SLA: variants seen among roughly 807,000 people sequenced by gnomAD.
SLA encodes Src like adaptor.
In SLA, 16 loss-of-function variants were observed where a neutral mutation model predicts 30.3. That is an observed-to-expected ratio of 0.53 (90% CI 0.36 to 0.80). SLA has a LOEUF of 0.80. SLA is among the 30% of genes least tolerant of loss of function. SLA has a pLI of 0.01. For synonymous variants in SLA, 143 were observed against 137.8 expected (o/e 1.04, Z -0.26); for missense variants, 310 against 345.2 (o/e 0.90, Z 0.81).
At position 133,095,168 on chromosome 8, in the gene SLA, G is replaced by T. The variant is rs2272707; in HGVS notation, c.-319+7385C>A. On this transcript the variant is annotated intron_variant, in intron 1 of 8. Coordinates refer to ENST00000338087, the MANE Select transcript of SLA (RefSeq NM_001045556.3). Reference sequence around the variant, plus strand: ...AGCCAAGAAGTGGTGTCCTGCCTCCGCCAGAAGCCTGCCAATGTCCTCAAT... The same window carrying T: ...AGCCAAGAAGTGGTGTCCTGCCTCCTCCAGAAGCCTGCCAATGTCCTCAAT... 3.7e-6 allele frequency: 6 copies of T among 1,614,182 alleles called. No homozygotes were observed. In the Admixed American group the frequency reaches 5.0e-5, roughly 13 times the overall value.
intron 5 of SLA, chr8:133,048,588 A>G (rs1218696831): frequency 6.4e-6 from 1 of 156,518 alleles, no homozygotes; most frequent in Non-Finnish European, 1.4e-5. Flanking sequence ...TCATAGGGTC[A>G]TAATTATGTC....
rs1839643893 is a variant in SLA at position 133,047,477 on chromosome 8, G to C, written c.352+353C>G. ...TTCAGACAAATCAGTCACAGAGCTT[G>C]AGAGCACAGCCCAGGCCCATACCAA... is the stretch of plus-strand genomic sequence containing the variant. On this transcript the variant is annotated intron_variant, in intron 6 of 8. Transcript: ENST00000338087. 3 of 235,178 alleles carry C rather than the reference G, an allele frequency of 1.3e-5. No homozygotes were observed. The South Asian group carries it at 1.5e-4, about 11-fold the overall frequency. 14.6% of individuals were successfully genotyped at this position (235,178 alleles called of 1,614,324 possible).
chr8:133,042,429 G>C (rs1358755114), intron 7 of SLA, among the ~76,000 whole-genome samples: 1 of 151,740 alleles, frequency 6.6e-6, no homozygotes, highest in East Asian at 1.9e-4. Context: ...CATGCACTCT[G>C]TTCTCTCAGT....
intron 1 of SLA, among the ~76,000 whole-genome samples, chr8:133,084,836 G>C (rs750951722): frequency 3.9e-5 from 6 of 152,236 alleles, no homozygotes; most frequent in African/African-American, 1.4e-4. Flanking sequence ...ATGGACTGCC[G>C]TGCCTGTCAA....
At chr8:133,054,276 A>C (rs1587905666) in intron 3 of SLA, among the ~76,000 whole-genome samples, 1 of 152,306 alleles carries the variant, frequency 6.6e-6, no homozygotes, top group South Asian at 2.1e-4. Context: ...TTGCAGACTT[A>C]AGATAAGGAA....
chr8:133,053,659 G>GACTGTGGA (rs1429921492), intron 3 of SLA, among the ~76,000 whole-genome samples: 2 of 152,144 alleles, frequency 1.3e-5, no homozygotes, highest in Non-Finnish European at 2.9e-5. Flanking sequence ...TCAAGATTAA[G>GACTGTGGA]ACTGTGGAAC....
chr8:133,071,415 G>A (rs1844010653), intron 2 of SLA, among the ~76,000 whole-genome samples: 1 of 152,194 alleles, frequency 6.6e-6, no homozygotes, highest in African/African-American at 2.4e-5. Flanking sequence ...AAGGGATGGA[G>A]GGCAGCTTAA....
chr8:133,057,795 A>G (rs901688917), intron 3 of SLA, among the ~76,000 whole-genome samples: 20 of 152,036 alleles, frequency 1.3e-4, no homozygotes, highest in Admixed American at 6.6e-5. Flanking sequence ...AAACAAAAAA[A>G]CAGATGGGTA....
At position 133,036,873 on chromosome 8, in the gene SLA, A is replaced by G. The variant is rs1837204456; in HGVS notation, c.*1651T>C. ...TCGTCACAACGGAAAACAACACATA[A>G]GATACTGTGCAGACATCTGGAGTTC... On this transcript the variant is annotated 3_prime_UTR_variant, in exon 9 of 9. Transcript: ENST00000338087. 1 of 152,622 alleles carries G rather than the reference A, an allele frequency of 6.6e-6. No homozygotes were observed. The highest frequency in any genetic ancestry group is 2.4e-5 in the African/African-American group (1 of 41,446). 9.5% of individuals were successfully genotyped at this position (152,622 alleles called of 1,614,324 possible). A position where few individuals can be genotyped will look rare whatever the true frequency, so the allele number is the denominator to read the frequency against.
chr8:133,045,148 C>T (rs1839077887), intron 6 of SLA, 33 bp from the exon 7 acceptor site: 1 of 1,611,754 alleles, frequency 6.2e-7, no homozygotes, highest in Non-Finnish European at 8.5e-7. Flanking sequence ...CAGTGGGCTC[C>T]ACCTGTCCTC....
At chr8:133,068,147 G>A (rs1188765822) in intron 2 of SLA, among the ~76,000 whole-genome samples, 1 of 152,186 alleles carries the variant, frequency 6.6e-6, no homozygotes, top group African/African-American at 2.4e-5. Context: ...CAAGGGAAAG[G>A]CTCAGAGAGG....
intron 6 of SLA, among the ~76,000 whole-genome samples, chr8:133,046,318 T>G (rs1234094055): frequency 6.6e-6 from 1 of 152,232 alleles, no homozygotes; most frequent in Non-Finnish European, 1.5e-5. Flanking sequence ...CCCCCAATTA[T>G]TTTAAAGATG....
chr8:133,069,218 G>A (rs2131406541), intron 2 of SLA, among the ~76,000 whole-genome samples: 1 of 152,358 alleles, frequency 6.6e-6, no homozygotes, highest in Non-Finnish European at 1.5e-5. Flanking sequence ...TTTCTTTATT[G>A]CATCGTATTT....
chr8:133,064,506 G>C (rs1842802853), intron 2 of SLA, among the ~76,000 whole-genome samples: 1 of 152,182 alleles, frequency 6.6e-6, no homozygotes, highest in African/African-American at 2.4e-5. Context: ...CACTGTCCTG[G>C]AGCTGGAAAC....
At chr8:133,045,179 C>A (rs1039289156) in intron 6 of SLA, 64 bp from the exon 7 acceptor site, 1 of 1,582,654 alleles carries the variant, frequency 6.3e-7, no homozygotes, top group Non-Finnish European at 8.6e-7. Context: ...ACCCAGCTAA[C>A]CAGCCCACCA....
rs1460750975 is a variant in SLA, at chr8:133,055,363, GCGCACACACACA to G, written c.62-4460_62-4449del. Among the ~76,000 whole-genome samples the G allele has an allele frequency of 6.6e-4, 21 of 32,020 alleles. 1 individual carries two copies. The East Asian group carries it at 8.0e-3, about 12-fold the overall frequency. 21.0% of individuals were successfully genotyped at this position (32,020 alleles called of 152,430 possible). A position where few individuals can be genotyped will look rare whatever the true frequency, so the allele number is the denominator to read the frequency against. ...ATCTTCAGGACACACACACGCACGCGCGCACACACACACACACACACACACACACACACACAC... is the reference window on the plus strand; with the variant it reads ...ATCTTCAGGACACACACACGCACGCGCACACACACACACACACACACACAC... On this transcript the variant is annotated intron_variant, in intron 3 of 8. Transcript: ENST00000338087.
intron 3 of SLA, among the ~76,000 whole-genome samples, chr8:133,051,342 A>G (rs1185547436): frequency 6.6e-6 from 1 of 152,200 alleles, no homozygotes; most frequent in Non-Finnish European, 1.5e-5. Context: ...AAGTTGCTGT[A>G]AAAACCCCCC....
At chr8:133,069,884 C>T (rs967998181) in intron 2 of SLA, among the ~76,000 whole-genome samples, 3 of 151,358 alleles carry the variant, frequency 2.0e-5, no homozygotes, top group African/African-American at 7.3e-5. Flanking sequence ...TGCTGAAATC[C>T]CAGCTACTTG....
chr8:133,046,669 C>T (rs1452140054), intron 6 of SLA: 1 of 152,232 alleles, frequency 6.6e-6, no homozygotes, highest in Non-Finnish European at 1.5e-5. Context: ...GCCAGGCCAG[C>T]TTAGGAGTTT....
Sources: gnomAD v4.1 joint callset for allele counts (sites outside exome capture counted in the v4.1 genomes callset) on GRCh38, gnomAD v4.1.1 for gene constraint, MANE v1.5 for transcripts, NCBI Gene and HGNC (gene_info 2026-07-23, HGNC 2026-07-21) for gene names.